The following CFAP47 variants were observed in gnomAD, a reference collection of about 807,000 sequenced individuals.
CFAP47 encodes cilia- and flagella-associated protein 47.
In CFAP47, 29 loss-of-function variants were observed where a neutral mutation model predicts 148.1. The ratio of observed to expected loss-of-function variants is 0.20; its 90% CI spans 0.15 to 0.27. CFAP47 has a LOEUF of 0.27. Among genes scored for constraint, CFAP47 ranks in the 10% least tolerant of loss-of-function variants. The pLI, the probability that CFAP47 is intolerant of heterozygous loss-of-function variation, is 1.00. For missense variants in CFAP47, 1,872 were observed against 1,697.5 expected (o/e 1.10, Z -1.81); for synonymous variants, 664 against 577.3 (o/e 1.15, Z -2.15).
chrX:36,045,127 T>C (rs1337778407), intron 25 of CFAP47, among the ~76,000 whole-genome samples: 1 of 112,006 alleles, frequency 8.9e-6, no homozygotes, highest in Non-Finnish European at 1.9e-5. Flanking sequence ...GTAGTGAAAG[T>C]GAGCATCCTT....
At chrX:36,371,824 A>G (rs1453848071) in intron 62 of CFAP47, among the ~76,000 whole-genome samples, 2 of 73,301 alleles carry the variant, frequency 2.7e-5, no homozygotes, top group Admixed American at 1.4e-4. Context: ...GTGTGCATAT[A>G]CACACATGTG....
At chrX:36,020,542 A>G (rs1399939941) in intron 22 of CFAP47, among the ~76,000 whole-genome samples, 2 of 111,808 alleles carry the variant, frequency 1.8e-5, no homozygotes, top group African/African-American at 6.5e-5. Context: ...TACATTTATA[A>G]TCGTTATATC....
chrX:35,935,533 GTGAGTGCTCACC>G (rs897428564), intron 2 of CFAP47, among the ~76,000 whole-genome samples: 5 of 107,795 alleles, frequency 4.6e-5, no homozygotes, highest in African/African-American at 1.7e-4. Flanking sequence ...ACCAGGTACT[GTGAGTGCTCACC>G]TGATTTTTGG....
chrX:35,994,578 AATG>A (rs1215367319), intron 18 of CFAP47, among the ~76,000 whole-genome samples: 1 of 111,674 alleles, frequency 9.0e-6, no homozygotes, highest in Non-Finnish European at 1.9e-5. Flanking sequence ...ATCACTTAAG[AATG>A]ATATCTTATT....
chrX:36,075,320 C>G (rs745310790), intron 29 of CFAP47, among the ~76,000 whole-genome samples: 5 of 109,684 alleles, frequency 4.6e-5, no homozygotes, highest in African/African-American at 1.7e-4. Flanking sequence ...CTCCGCTTCC[C>G]GGGCTCAAGC....
Position 36,046,867 on chromosome X carries a change from T to C in CFAP47, c.4021T>C (p.Cys1341Arg). The change falls in exon 26 of 64, where the codon TGT (cysteine) becomes CGT (arginine). Residue 1341 changes from cysteine to arginine, a missense_variant. Physicochemically the swap from Cys to Arg is radical, Grantham distance 180. Transcript: ENST00000378653. ...TATTTTAAACAGAAATTCAACTCTA[T>C]GTGTCCAGATTCCCACAGTAAGGCT... is the stretch of plus-strand genomic sequence containing the variant. Reference protein sequence around the residue: ...PQNYFRNSTLCVQIPTVRLLD... With the variant: ...PQNYFRNSTLRVQIPTVRLLD... The C allele has an allele frequency of 8.7e-7, 1 of 1,151,880 alleles. No homozygotes were observed. Among genetic ancestry groups the C allele is most frequent in the Non-Finnish European group, 1.2e-6 (1 of 862,834 alleles). The allele number at this position is 1,151,880 out of a possible 1,213,427, so 94.9% of individuals were successfully genotyped here.
In CFAP47 at chrX:36,027,142, TTA is replaced by T. The variant is rs763903284; in HGVS notation, c.3557-4103_3557-4102del. Among the ~76,000 whole-genome samples, 456 of 103,627 alleles carry T rather than the reference TTA, an allele frequency of 4.4e-3. 2 individuals are homozygous for T. Among genetic ancestry groups the T allele is most frequent in the African/African-American group, 0.015 (430 of 28,793 alleles). 90.0% of individuals were successfully genotyped at this position (103,627 alleles called of 115,157 possible). ...TATATATATGATTATATATATATGA[TTA>T]TATATATGATTATATATATGTGATT... On this transcript the variant is annotated intron_variant, in intron 22 of 63. Coordinates refer to ENST00000378653, the MANE Select transcript of CFAP47 (RefSeq NM_001304548.2).
intron 15 of CFAP47, among the ~76,000 whole-genome samples, chrX:35,977,123 T>C (rs1351737649): frequency 3.6e-5 from 4 of 112,108 alleles, no homozygotes; most frequent in Non-Finnish European, 7.5e-5. Flanking sequence ...ATGTTGTGCC[T>C]TTCCAGCTAG....
chrX:36,127,613 G>T (rs768598486), intron 33 of CFAP47, among the ~76,000 whole-genome samples: 109 of 111,251 alleles, frequency 9.8e-4, no homozygotes, highest in African/African-American at 3.5e-3. Context: ...TAAAGTAGTT[G>T]TTTCCAATTC....
intron 45 of CFAP47, among the ~76,000 whole-genome samples, chrX:36,210,508 T>C (rs1331927857): frequency 8.9e-6 from 1 of 112,505 alleles, no homozygotes; most frequent in African/African-American, 3.2e-5. Flanking sequence ...ACCTTATTTG[T>C]ATAAATGTCT....
chrX:35,953,336 C>G (rs1275606459), intron 6 of CFAP47, among the ~76,000 whole-genome samples: 1 of 111,770 alleles, frequency 8.9e-6, no homozygotes, highest in African/African-American at 3.2e-5. Flanking sequence ...ACCTTGATGA[C>G]TTGGTATATT....
chrX:36,159,079 CAT>C lies in CFAP47; in HGVS notation c.5787-346_5787-345del, dbSNP rs779594837. 6.2e-5 allele frequency among the ~76,000 whole-genome samples: 7 copies of C among 112,028 alleles called. No individual in the cohort carries two copies. In the East Asian group the frequency reaches 2.0e-3, roughly 31 times the overall value. On this transcript the variant is annotated intron_variant, in intron 37 of 63. Coordinates refer to ENST00000378653, the MANE Select transcript of CFAP47 (RefSeq NM_001304548.2). ...AATTTTTACTTTCTTAATGTTTCCA[CAT>C]GTTACCAGAGACCAGTGACATGACA...
chrX:36,326,936 A>G (rs1556013154), intron 57 of CFAP47, among the ~76,000 whole-genome samples: 1 of 111,648 alleles, frequency 9.0e-6, no homozygotes, highest in Non-Finnish European at 1.9e-5. Flanking sequence ...CCTTCCTTTC[A>G]CCATATACAA....
chrX:36,220,082 T>C (rs1418721517), intron 45 of CFAP47, among the ~76,000 whole-genome samples: 1 of 111,646 alleles, frequency 9.0e-6, no homozygotes, highest in Non-Finnish European at 1.9e-5. Context: ...ATCAGAAACG[T>C]TTTGATCACC....
chrX:36,137,877 T>TA, intron 33 of CFAP47, 81 bp from the exon 34 acceptor site: 1 of 409,692 alleles, frequency 2.4e-6, no homozygotes, highest in Middle Eastern at 5.5e-4. Context: ...AATTTTCTTT[T>TA]ACTATTGCTC....
chrX:36,359,915 T>A (rs1224150338), intron 60 of CFAP47, among the ~76,000 whole-genome samples: 3 of 110,980 alleles, frequency 2.7e-5, no homozygotes, highest in African/African-American at 9.8e-5. Context: ...CATGCCCAGC[T>A]AATTTTTTTT....
intron 39 of CFAP47, among the ~76,000 whole-genome samples, chrX:36,171,228 T>C (rs1407802923): frequency 9.3e-6 from 1 of 106,967 alleles, no homozygotes; most frequent in Non-Finnish European, 1.9e-5. Context: ...TTGCAAAAAT[T>C]TTCTCCCATT....
rs764516628 is a variant in CFAP47 at position 36,041,458 on chromosome X, C to T, written c.4007+2279C>T. ...CTTTGGGTTAATACTTGAAACTTCA[C>T]GAGAAAACATCCTCTGATGATTTTA... is the stretch of plus-strand genomic sequence containing the variant. On this transcript the variant is annotated intron_variant, in intron 25 of 63. Coordinates refer to ENST00000378653, the MANE Select transcript of CFAP47 (RefSeq NM_001304548.2). 6.3e-5 allele frequency among the ~76,000 whole-genome samples: 7 copies of T among 111,444 alleles called. No homozygotes were observed. The East Asian group carries it at 1.7e-3, about 27-fold the overall frequency.
chrX:36,207,729 G>A (rs1940054332), intron 45 of CFAP47, among the ~76,000 whole-genome samples: 1 of 111,614 alleles, frequency 9.0e-6, no homozygotes, highest in Non-Finnish European at 1.9e-5. Flanking sequence ...GAACCTGGGT[G>A]TAGATATTGA....
Sources: allele counts gnomAD v4.1 joint callset (sites outside exome capture counted in the v4.1 genomes callset), GRCh38; gene constraint gnomAD v4.1.1; transcripts MANE v1.5; gene names NCBI Gene and HGNC (gene_info 2026-07-23, HGNC 2026-07-21).